FRK: variants seen among roughly 807,000 people sequenced by gnomAD.
The protein encoded by FRK is fyn related Src family tyrosine kinase.
A neutral mutation model predicts 56.4 loss-of-function variants in FRK; 51 were observed. That is an observed-to-expected ratio of 0.90 (90% CI 0.72 to 1.14). The LOEUF is 1.14. Among genes scored for constraint, FRK ranks in the 50% most tolerant of loss-of-function variants. The pLI is 0.00. For synonymous variants in FRK, 245 were observed against 217.9 expected (o/e 1.12, Z -1.10); for missense variants, 570 against 601.4 (o/e 0.95, Z 0.55).
At chr6:116,064,556 A>AG, upstream of FRK, among the ~76,000 whole-genome samples, 1 of 152,288 alleles carries the variant, frequency 6.6e-6, no homozygotes, top group Admixed American at 6.5e-5. Flanking sequence ...TGAAAGTTCT[A>AG]TAGTGTGAAA....
chr6:116,039,201 C>G (rs962921790), intron 1 of FRK: 2 of 1,408,666 alleles, frequency 1.4e-6, no homozygotes, highest in Non-Finnish European at 2.0e-6. Context: ...AAGAGGTCAT[C>G]GCAGATAACG....
chr6:116,081,584 G>C, the FRK span, among the ~76,000 whole-genome samples: 1 of 151,958 alleles, frequency 6.6e-6, no homozygotes, highest in Admixed American at 6.6e-5. Flanking sequence ...CTTGAGCCTG[G>C]GAGGCAGAGG....
Position 116,060,777 on chromosome 6 carries a change from A to T in FRK, c.-466T>A, listed in dbSNP as rs1163994560. 1 of 160,366 alleles carries T rather than the reference A, an allele frequency of 6.2e-6. No homozygotes were observed. The highest frequency in any genetic ancestry group is 2.4e-5 in the African/African-American group (1 of 41,520). 9.9% of individuals were successfully genotyped at this position (160,366 alleles called of 1,614,324 possible). A position where few individuals can be genotyped will look rare whatever the true frequency, so the allele number is the denominator to read the frequency against. Reference sequence around the variant, plus strand: ...CGCCAGGAGCTCTCCCCCTGTTTCAAGTCTGTTCCTGTCTTTCGACCAGTC... The same window carrying T: ...CGCCAGGAGCTCTCCCCCTGTTTCATGTCTGTTCCTGTCTTTCGACCAGTC... On this transcript the variant is annotated 5_prime_UTR_variant, in exon 1 of 8. In the 5' UTR this introduces an upstream ATG that the reference lacks. Coordinates refer to ENST00000606080, the MANE Select transcript of FRK (RefSeq NM_002031.3).
chr6:115,946,264 A>C (rs1410959494), intron 5 of FRK, among the ~76,000 whole-genome samples: 2 of 151,878 alleles, frequency 1.3e-5, no homozygotes, highest in Admixed American at 1.3e-4. Context: ...AGAGGGCCAG[A>C]CTTTAAATCA....
rs575360860 is a variant in FRK, at chr6:115,983,873, T to C, written c.467-15134A>G. On this transcript the variant is annotated intron_variant, in intron 2 of 7. Transcript: ENST00000606080. ...ACCTTGTTACTGTCCCCTTTAAAGC[T>C]CTTCAAGTGTTTCCCTACTGCCTAA... is the stretch of plus-strand genomic sequence containing the variant. Among the ~76,000 whole-genome samples the C allele has an allele frequency of 3.3e-5, 5 of 152,244 alleles. No homozygotes were observed. The East Asian group carries it at 5.8e-4, about 18-fold the overall frequency.
At chr6:116,004,667 C>T (rs1775186080) in intron 1 of FRK, among the ~76,000 whole-genome samples, 1 of 152,086 alleles carries the variant, frequency 6.6e-6, no homozygotes, top group Admixed American at 6.6e-5. Flanking sequence ...TATCTTTTCC[C>T]CTCTTATCTT....
chr6:116,047,899 G>A (rs1274536508), intron 1 of FRK, among the ~76,000 whole-genome samples: 1 of 152,226 alleles, frequency 6.6e-6, no homozygotes, highest in Non-Finnish European at 1.5e-5. Flanking sequence ...CCGTGATTTG[G>A]CAAAGCCAAG....
chr6:116,015,145 ATCTC>A (rs2114721759), intron 1 of FRK, among the ~76,000 whole-genome samples: 1 of 152,146 alleles, frequency 6.6e-6, no homozygotes, highest in South Asian at 2.1e-4. Flanking sequence ...CCCCACCCAA[ATCTC>A]TCTCTAATTA....
chr6:116,083,057 A>G, the FRK span, among the ~76,000 whole-genome samples: 1 of 152,218 alleles, frequency 6.6e-6, no homozygotes, highest in Non-Finnish European at 1.5e-5. Flanking sequence ...ACTGAGAAGG[A>G]TCAGTCAATG....
rs1210733048 is a variant in FRK, at chr6:115,936,956, A to C, written c.*5458T>G. 1 of 152,192 alleles carries C rather than the reference A, an allele frequency of 6.6e-6. No homozygotes were observed. Among genetic ancestry groups the C allele is most frequent in the African/African-American group, 2.4e-5 (1 of 41,452 alleles). The allele number at this position is 152,192 out of a possible 1,614,324, so 9.4% of individuals were successfully genotyped here. A position where few individuals can be genotyped will look rare whatever the true frequency, so the allele number is the denominator to read the frequency against. On this transcript the variant is annotated 3_prime_UTR_variant, in exon 8 of 8. Coordinates refer to ENST00000606080, the MANE Select transcript of FRK (RefSeq NM_002031.3). ...ACCTAGCAAGACAGGTCAACATTCAAATTAAGGAAATACAGAGAACGCCAC... is the reference window on the plus strand; with the variant it reads ...ACCTAGCAAGACAGGTCAACATTCACATTAAGGAAATACAGAGAACGCCAC...
At chr6:116,033,246 T>C (rs956617537) in intron 1 of FRK, among the ~76,000 whole-genome samples, 3 of 152,148 alleles carry the variant, frequency 2.0e-5, no homozygotes, top group Non-Finnish European at 4.4e-5. Context: ...GTAAGAATAA[T>C]AGTCATTACC....
chr6:116,064,756 A>G (rs935675698), upstream of FRK, among the ~76,000 whole-genome samples: 1 of 152,204 alleles, frequency 6.6e-6, no homozygotes, highest in African/African-American at 2.4e-5. Context: ...ACTCTCCTAC[A>G]CAATAACCTT....
the FRK span, among the ~76,000 whole-genome samples, chr6:116,088,975 TTAAA>T: frequency 6.6e-6 from 1 of 152,204 alleles, no homozygotes; most frequent in Non-Finnish European, 1.5e-5. Context: ...TGGCATACCC[TTAAA>T]TAATCAAAAA....
At chr6:115,950,045 A>G (rs1772660239) in intron 5 of FRK, among the ~76,000 whole-genome samples, 1 of 152,232 alleles carries the variant, frequency 6.6e-6, no homozygotes, top group South Asian at 2.1e-4. Flanking sequence ...GACGGATTAA[A>G]GATTTAAACA....
the FRK span, among the ~76,000 whole-genome samples, chr6:116,098,015 C>T: frequency 6.6e-6 from 1 of 151,044 alleles, no homozygotes; most frequent in African/African-American, 2.4e-5. Flanking sequence ...ATTATTTTCT[C>T]ACAGTTCTGG....
intron 1 of FRK, among the ~76,000 whole-genome samples, chr6:116,043,854 G>C (rs1199517784): frequency 6.6e-6 from 1 of 152,046 alleles, no homozygotes; most frequent in Non-Finnish European, 1.5e-5. Flanking sequence ...GACTAATAAA[G>C]AAGAAAAGAG....
chr6:116,011,090 TA>T (rs35810541), intron 1 of FRK, among the ~76,000 whole-genome samples: 59,076 of 149,504 alleles, frequency 0.4, 11,866 homozygotes, highest in Middle Eastern at 0.5. Flanking sequence ...CAGTGAGCCT[TA>T]AAAAAAAAAA....
chr6:116,077,189 A>G, the FRK span, among the ~76,000 whole-genome samples: 2 of 152,242 alleles, frequency 1.3e-5, no homozygotes. Flanking sequence ...GCTTTATAAC[A>G]AAATAGAAAA....
chr6:115,950,951 T>TAA (rs1313924579), intron 5 of FRK, among the ~76,000 whole-genome samples: 10 of 152,220 alleles, frequency 6.6e-5, no homozygotes, highest in African/African-American at 2.2e-4. Context: ...TTCTCACTCA[T>TAA]AAGTGAGAGT....
Sources: allele counts gnomAD v4.1 joint callset (sites outside exome capture counted in the v4.1 genomes callset), GRCh38; gene constraint gnomAD v4.1.1; transcripts MANE v1.5; gene names NCBI Gene and HGNC (gene_info 2026-07-23, HGNC 2026-07-21).